PRKG1: variants seen among roughly 807,000 people sequenced by gnomAD.
The protein encoded by PRKG1 is protein kinase cGMP-dependent 1.
PRKG1 carries 35 observed loss-of-function variants against 88.1 expected under a neutral mutation model. That is an observed-to-expected ratio of 0.40 (90% CI 0.30 to 0.53). The LOEUF (loss-of-function observed/expected upper bound fraction) is 0.53. PRKG1 is among the 20% of genes least tolerant of loss of function. PRKG1 has a pLI of 0.59. For synonymous variants in PRKG1, 303 were observed against 292.5 expected (o/e 1.04, Z -0.37); for missense variants, 540 against 839.8 (o/e 0.64, Z 4.41).
At chr10:51,206,112 C>T (rs1838052619) in intron 2 of PRKG1, among the ~76,000 whole-genome samples, 1 of 152,056 alleles carries the variant, frequency 6.6e-6, no homozygotes, top group South Asian at 2.1e-4. Flanking sequence ...TGTATTCGTT[C>T]TGGTGAAGGT....
intron 5 of PRKG1, among the ~76,000 whole-genome samples, chr10:51,993,448 G>A (rs1388258572): frequency 1.3e-5 from 2 of 152,130 alleles, no homozygotes; most frequent in African/African-American, 2.4e-5. Flanking sequence ...CCCACTTATT[G>A]AGCTTATTTT....
At chr10:51,442,172 G>A (rs1251033404) in intron 2 of PRKG1, among the ~76,000 whole-genome samples, 3 of 151,676 alleles carry the variant, frequency 2.0e-5, no homozygotes, top group Non-Finnish European at 1.5e-5. Context: ...ACTTAAAGTT[G>A]GAGCACCTTG....
At chr10:51,025,264 A>G (rs1248137262) in intron 1 of PRKG1, among the ~76,000 whole-genome samples, 2 of 152,132 alleles carry the variant, frequency 1.3e-5, no homozygotes, top group Admixed American at 6.5e-5. Flanking sequence ...TTTATCCTCT[A>G]TCAGGCTTGA....
At chr10:51,316,527 CA>C (rs1188148466) in intron 2 of PRKG1, among the ~76,000 whole-genome samples, 2 of 151,856 alleles carry the variant, frequency 1.3e-5, no homozygotes, top group Admixed American at 6.6e-5. Flanking sequence ...ACTAAAAATA[CA>C]AAAATTAGCC....
intron 3 of PRKG1, among the ~76,000 whole-genome samples, chr10:51,669,169 A>G (rs928822532): frequency 2.0e-5 from 3 of 152,208 alleles, no homozygotes; most frequent in Admixed American, 6.5e-5. Context: ...ACAAAATATC[A>G]TAGACTGGGC....
At chr10:51,287,758 A>G (rs1840479877) in intron 2 of PRKG1, among the ~76,000 whole-genome samples, 1 of 152,184 alleles carries the variant, frequency 6.6e-6, no homozygotes, top group African/African-American at 2.4e-5. Context: ...ATATATATCT[A>G]AACAGTTATC....
chr10:51,172,620 G>C (rs552076915), intron 2 of PRKG1, among the ~76,000 whole-genome samples: 33 of 43,568 alleles, frequency 7.6e-4, no homozygotes, highest in African/African-American at 3.2e-3. Context: ...ATGTATGTAT[G>C]TATGTATGTA....
intron 3 of PRKG1, among the ~76,000 whole-genome samples, chr10:51,640,990 G>A (rs895491495): frequency 6.6e-5 from 10 of 151,702 alleles, no homozygotes; most frequent in Non-Finnish European, 1.2e-4. Flanking sequence ...TGTCACATTA[G>A]GCAAATACAT....
chr10:51,652,550 A>G (rs1207995252), intron 3 of PRKG1, among the ~76,000 whole-genome samples: 3 of 152,154 alleles, frequency 2.0e-5, no homozygotes, highest in African/African-American at 7.2e-5. Flanking sequence ...TTCTCATGTC[A>G]TCGATCCCAT....
At chr10:51,312,265 T>C (rs1841207984) in intron 2 of PRKG1, among the ~76,000 whole-genome samples, 1 of 152,186 alleles carries the variant, frequency 6.6e-6, no homozygotes, top group African/African-American at 2.4e-5. Flanking sequence ...TTATCTTTCT[T>C]AGAATATGGT....
chr10:52,105,235 A>C (rs1173130608), intron 7 of PRKG1, among the ~76,000 whole-genome samples: 1 of 152,180 alleles, frequency 6.6e-6, no homozygotes, highest in African/African-American at 2.4e-5. Context: ...ATATGGGTCC[A>C]AATTGTCTCC....
At chr10:51,902,017 A>C (rs2132934568) in intron 4 of PRKG1, among the ~76,000 whole-genome samples, 1 of 152,286 alleles carries the variant, frequency 6.6e-6, no homozygotes, top group African/African-American at 2.4e-5. Flanking sequence ...TTAAAGATTG[A>C]CTGCTGTGAC....
At chr10:52,272,934 C>T (rs1360276140) in intron 12 of PRKG1, among the ~76,000 whole-genome samples, 1 of 151,984 alleles carries the variant, frequency 6.6e-6, no homozygotes, top group African/African-American at 2.4e-5. Context: ...TTCCCTCTAC[C>T]TTTACATGGC....
At chr10:51,832,377 TAA>T (rs1840025617) in intron 4 of PRKG1, among the ~76,000 whole-genome samples, 1 of 152,218 alleles carries the variant, frequency 6.6e-6, no homozygotes, top group Non-Finnish European at 1.5e-5. Context: ...CTTAATTATC[TAA>T]ATCAAGGTTT....
At chr10:51,890,845 C>T (rs564274153) in intron 4 of PRKG1, among the ~76,000 whole-genome samples, 1 of 152,226 alleles carries the variant, frequency 6.6e-6, no homozygotes, top group African/African-American at 2.4e-5. Context: ...AATCCCAGCT[C>T]CTCAAGAGGC....
At chr10:51,731,343 T>C (rs1235215532) in intron 3 of PRKG1, among the ~76,000 whole-genome samples, 4 of 152,184 alleles carry the variant, frequency 2.6e-5, no homozygotes, top group Non-Finnish European at 5.9e-5. Context: ...CTGGATTAGA[T>C]GGTAGCCCGT....
chr10:51,637,210 C>T (rs79525208), intron 3 of PRKG1, among the ~76,000 whole-genome samples: 2,674 of 152,106 alleles, frequency 0.018, 88 homozygotes, highest in African/African-American at 0.062. Flanking sequence ...ATCAAAACCA[C>T]GATGAGATAT....
intron 1 of PRKG1, among the ~76,000 whole-genome samples, chr10:51,053,373 G>T (rs572562078): frequency 1.4e-4 from 22 of 152,236 alleles, no homozygotes; most frequent in African/African-American, 5.3e-4. Context: ...CACGTAATTT[G>T]GCTACAAGAC....
At chr10:51,396,014 A>G (rs1257187232) in intron 2 of PRKG1, among the ~76,000 whole-genome samples, 1 of 152,166 alleles carries the variant, frequency 6.6e-6, no homozygotes, top group Admixed American at 6.5e-5. Context: ...ATAAAATGCT[A>G]GATTATATTA....
Sources: gnomAD v4.1 joint callset for allele counts (sites outside exome capture counted in the v4.1 genomes callset) on GRCh38, gnomAD v4.1.1 for gene constraint, MANE v1.5 for transcripts, NCBI Gene and HGNC (gene_info 2026-07-23, HGNC 2026-07-21) for gene names.